Variants in MEGF6 observed in about 807,000 individuals in gnomAD.
The protein encoded by MEGF6 is multiple EGF like domains 6, also known as multiple epidermal growth factor-like domains protein 6.
In MEGF6, 184 loss-of-function variants were observed where a neutral mutation model predicts 207.1. The ratio of observed to expected loss-of-function variants is 0.89; its 90% CI spans 0.79 to 1.00. The LOEUF is 1.00. Ranked by LOEUF, MEGF6 falls within the 50% of genes least tolerant of loss-of-function variation. The pLI is 0.00. For missense variants in MEGF6, 2,282 were observed against 2,202.9 expected (o/e 1.04, Z -0.72); for synonymous variants, 1,038 against 910.0 (o/e 1.14, Z -2.53).
At chr1:3,593,800 G>C (rs1644017354) in intron 3 of MEGF6, among the ~76,000 whole-genome samples, 1 of 152,052 alleles carries the variant, frequency 6.6e-6, no homozygotes, top group Non-Finnish European at 1.5e-5. Flanking sequence ...GTGGGGGCTG[G>C]GACCCCCTCC....
intron 17 of MEGF6, among the ~76,000 whole-genome samples, chr1:3,503,649 T>C (rs983580191): frequency 2.0e-5 from 3 of 152,024 alleles, no homozygotes; most frequent in African/African-American, 7.3e-5. Context: ...TGTGTCTGCA[T>C]GCACCTGCCT....
rs1181431648 is a variant in MEGF6, at chr1:3,556,559, G to A, written c.481+23266C>T. ...TCCAGTGAGTCAGGAGCGGGTCACA[G>A]AGGCTGCAGCAGCGGAACTACCTGC... On this transcript the variant is annotated intron_variant, in intron 4 of 36. Transcript: ENST00000356575. This position sits in a 1 kb window ranked among gnomAD's most constrained non-coding sequence, Gnocchi z 4.4. 6.6e-6 allele frequency among the ~76,000 whole-genome samples: 1 copy of A among 152,156 alleles called. No homozygotes were observed. The highest frequency in any genetic ancestry group is 6.5e-5 in the Admixed American group (1 of 15,276).
chr1:3,551,262 T>G (rs912593522), intron 4 of MEGF6, among the ~76,000 whole-genome samples: 2 of 152,176 alleles, frequency 1.3e-5, no homozygotes, highest in African/African-American at 2.4e-5. Context: ...GAGCAGCTGG[T>G]GTCAGCCTGC....
At chr1:3,534,259 C>A (rs905270108) in intron 4 of MEGF6, among the ~76,000 whole-genome samples, 7 of 152,184 alleles carry the variant, frequency 4.6e-5, no homozygotes, top group Admixed American at 4.6e-4. Context: ...ACCCAGTGAG[C>A]CATTTTTATA....
chr1:3,500,702 C>T lies in MEGF6; in HGVS notation c.2638G>A (p.Gly880Arg), dbSNP rs1187522193. Residue 880 changes from glycine (G) to arginine (R), a missense_variant, in exon 21 of 37, where the codon GGG becomes AGG. By Grantham distance (125) the Gly-to-Arg change is moderately radical. Transcript: ENST00000356575. The stretch of plus-strand genomic sequence containing the variant: ...AGGCCGCTGATGGCATCACAGCTCC[C>T]GTGGCCAGCGCTGCAGTTGCAGGGG... ...SHPCNCSAGHGSCDAISGLCL... is the reference protein window; with the variant it reads ...SHPCNCSAGHRSCDAISGLCL... 10 of 1,587,168 alleles carry T rather than the reference C, an allele frequency of 6.3e-6. No individual in the cohort carries two copies. The highest frequency in any genetic ancestry group is 3.5e-5 in the Admixed American group (2 of 56,480).
chr1:3,612,500 A>G (rs559137085), upstream of MEGF6, among the ~76,000 whole-genome samples: 1 of 152,244 alleles, frequency 6.6e-6, no homozygotes, highest in African/African-American at 2.4e-5. Context: ...CACTCAGGAG[A>G]GTCTCTTTTT....
Position 3,512,770 on chromosome 1 carries a change from T to G in MEGF6, c.854-642A>C, listed in dbSNP as rs138629413. Among the ~76,000 whole-genome samples, 37 of 152,322 alleles carry G rather than the reference T, an allele frequency of 2.4e-4. No individual in the cohort carries two copies. The East Asian group carries it at 7.1e-3, about 29-fold the overall frequency. On this transcript the variant is annotated intron_variant, in intron 7 of 36. Coordinates refer to ENST00000356575, the MANE Select transcript of MEGF6 (RefSeq NM_001409.4). Reference sequence around the variant, plus strand: ...CCATTAAACCTCTTTCTTTAGTAAATTGCCCAGTCTTGGGTATGTCTTTAT... The same window carrying G: ...CCATTAAACCTCTTTCTTTAGTAAAGTGCCCAGTCTTGGGTATGTCTTTAT...
intron 2 of MEGF6, among the ~76,000 whole-genome samples, chr1:3,597,847 G>T (rs902703970): frequency 2.6e-5 from 4 of 152,182 alleles, no homozygotes. Context: ...TGGTTTGTCG[G>T]GGCTCACTGC....
Position 3,493,902 on chromosome 1 carries a change from G to C in MEGF6, c.4259-3C>G. 6.3e-7 allele frequency: 1 copy of C among 1,588,772 alleles called. No individual in the cohort carries two copies. The highest frequency in any genetic ancestry group is 8.6e-7 in the Non-Finnish European group (1 of 1,168,204). ...TCCAAATGAACCTGGCTCACACCCT[G>C]GTGGGGGCAGTGGGCTCAGTGTCCC... On this transcript the variant is annotated splice_polypyrimidine_tract_variant and splice_region_variant and intron_variant, in intron 33 of 36. Coordinates refer to ENST00000356575, the MANE Select transcript of MEGF6 (RefSeq NM_001409.4).
At position 3,558,722 on chromosome 1, in the gene MEGF6, C is replaced by T. The variant is rs190402705; in HGVS notation, c.481+21103G>A. On this transcript the variant is annotated intron_variant, in intron 4 of 36. Transcript: ENST00000356575. ...TGTGCTCTTGCGATCGTGATGGATG[C>T]GAGCAGCACCCTTCTGCCTTGCTGA... Among the ~76,000 whole-genome samples the T allele has an allele frequency of 5.3e-3, 811 of 152,314 alleles. 2 individuals carry two copies. The highest frequency in any genetic ancestry group is 8.0e-3 in the Non-Finnish European group (544 of 68,018).
chr1:3,538,328 G>GC (rs1216549087), intron 4 of MEGF6, among the ~76,000 whole-genome samples: 8 of 151,094 alleles, frequency 5.3e-5, no homozygotes, highest in Non-Finnish European at 1.2e-4. Context: ...AGCAGGGGGG[G>GC]CCCCCACCCG....
chr1:3,502,079 G>A (rs1349905600), intron 17 of MEGF6, among the ~76,000 whole-genome samples, 158 bp from the exon 18 acceptor site: 1 of 152,198 alleles, frequency 6.6e-6, no homozygotes, highest in Non-Finnish European at 1.5e-5. Flanking sequence ...CTCCTGGCGA[G>A]TGTGCCCCCC....
chr1:3,500,095 T>G (rs369658225), intron 21 of MEGF6, among the ~76,000 whole-genome samples, 171 bp from the exon 22 acceptor site: 1 of 152,122 alleles, frequency 6.6e-6, no homozygotes, highest in Non-Finnish European at 1.5e-5. Context: ...CCCACCCAGG[T>G]GGGGCCATGG....
At chr1:3,548,302 T>TC (rs1642780411) in intron 4 of MEGF6, among the ~76,000 whole-genome samples, 1 of 152,006 alleles carries the variant, frequency 6.6e-6, no homozygotes, top group Non-Finnish European at 1.5e-5. Flanking sequence ...TCTCTGCACC[T>TC]CCTCAGGACG....
rs186755153 is a variant in MEGF6 at position 3,522,255 on chromosome 1, G to A, written c.604+1869C>T. On this transcript the variant is annotated intron_variant, in intron 5 of 36. Coordinates refer to ENST00000356575, the MANE Select transcript of MEGF6 (RefSeq NM_001409.4). Reference sequence around the variant, plus strand: ...TTAGGTGACAGGCTGGCACGCAGGCGAGAGTCTCACCTGGGCCCTCCATGG... The same window carrying A: ...TTAGGTGACAGGCTGGCACGCAGGCAAGAGTCTCACCTGGGCCCTCCATGG... 3.5e-4 allele frequency among the ~76,000 whole-genome samples: 53 copies of A among 152,300 alleles called. No individual in the cohort carries two copies. The East Asian group carries it at 3.9e-3, about 11-fold the overall frequency.
chr1:3,494,806 G>T (rs1408450807), intron 30 of MEGF6, 65 bp from the exon 31 acceptor site: 29 of 1,471,000 alleles, frequency 2.0e-5, no homozygotes, highest in Non-Finnish European at 2.5e-5. Flanking sequence ...CTGGGGATAT[G>T]TCCCCACAGG....
chr1:3,546,056 G>C (rs1157621245), intron 4 of MEGF6, among the ~76,000 whole-genome samples: 3 of 152,242 alleles, frequency 2.0e-5, no homozygotes, highest in Admixed American at 2.0e-4. Context: ...CAGAGCAGAG[G>C]CCTGAGGACT....
In MEGF6 at chr1:3,501,250, G is replaced by A. The variant is rs765557518; in HGVS notation, c.2373C>T (p.His791=). Residue 791 remains histidine, a synonymous_variant, in exon 19 of 37, where the codon CAC becomes CAT. Coordinates refer to ENST00000356575, the MANE Select transcript of MEGF6 (RefSeq NM_001409.4). ...CGGTCTCAGGGTCGCAGCGGGCAGC[G>A]TGCTGGCATGCTGGGCAGATCTCCT... The part of the protein sequence containing the change: ...GCQEICPACQ[H]AARCDPETGA... The A allele has an allele frequency of 2.9e-5, 46 of 1,609,680 alleles. No homozygotes were observed. The Middle Eastern group carries it at 2.5e-3, about 87-fold the overall frequency.
intron 4 of MEGF6, among the ~76,000 whole-genome samples, chr1:3,543,117 C>T (rs914515963): frequency 6.6e-6 from 1 of 152,250 alleles, no homozygotes; most frequent in African/African-American, 2.4e-5. Context: ...TCAGCTCCTG[C>T]CCCAGGCCAG....
Sources: allele counts gnomAD v4.1 joint callset (sites outside exome capture counted in the v4.1 genomes callset), GRCh38; gene constraint gnomAD v4.1.1; non-coding constraint Gnocchi (gnomAD v3.1); transcripts MANE v1.5; gene names NCBI Gene and HGNC (gene_info 2026-07-23, HGNC 2026-07-21).